Variants in CRPPA observed in about 807,000 individuals in gnomAD.
The protein encoded by CRPPA is D-ribitol-5-phosphate cytidylyltransferase.
Under a neutral mutation model 52.0 loss-of-function variants are expected in CRPPA, and 43 were observed. The ratio of observed to expected loss-of-function variants is 0.83; its 90% confidence interval spans 0.65 to 1.07. The LOEUF (loss-of-function observed/expected upper bound fraction) is 1.07. Among genes scored for constraint, CRPPA ranks in the 50% least tolerant of loss-of-function variants. CRPPA has a pLI of 0.00. For missense variants in CRPPA, 629 were observed against 551.7 expected (o/e 1.14, Z -1.40); for synonymous variants, 250 against 203.5 (o/e 1.23, Z -1.94).
chr7:16,209,087 C>G (rs13438314), intron 9 of CRPPA: 1 of 374,806 alleles, frequency 2.7e-6, no homozygotes, highest in African/African-American at 2.1e-5. Context: ...CAGGGTGGCT[C>G]TGGTGGGCAG....
intron 2 of CRPPA, among the ~76,000 whole-genome samples, chr7:16,382,391 G>A (rs896459938): frequency 5.3e-5 from 8 of 152,188 alleles, no homozygotes; most frequent in Non-Finnish European, 1.0e-4. Flanking sequence ...CCCTTTGCGG[G>A]TAACCCAACC....
intron 3 of CRPPA, among the ~76,000 whole-genome samples, chr7:16,317,979 C>G (rs1785183230): frequency 6.6e-6 from 1 of 152,166 alleles, no homozygotes; most frequent in African/African-American, 2.4e-5. Context: ...ACTTGAACAA[C>G]TGGTTTATGT....
intron 6 of CRPPA, among the ~76,000 whole-genome samples, chr7:16,267,300 T>G (rs1783980922): frequency 6.6e-6 from 1 of 152,238 alleles, no homozygotes; most frequent in African/African-American, 2.4e-5. Context: ...ATTTTAGATG[T>G]GTATTTCTCG....
chr7:16,256,905 G>C (rs1467904370), intron 8 of CRPPA, among the ~76,000 whole-genome samples: 3 of 152,080 alleles, frequency 2.0e-5, no homozygotes, highest in Non-Finnish European at 4.4e-5. Flanking sequence ...AGAACTTAAA[G>C]TATAATTTTA....
intron 9 of CRPPA, among the ~76,000 whole-genome samples, chr7:16,192,821 T>C (rs1781642365): frequency 6.6e-6 from 1 of 152,140 alleles, no homozygotes; most frequent in Non-Finnish European, 1.5e-5. Context: ...CTGAAATGAC[T>C]TTCCTTTTCC....
rs533997047 is a variant in CRPPA at position 16,197,915 on chromosome 7, G to A, written c.1251+18151C>T. ...ACTCAGAGTTAAATGGATTAAGGGC[G>A]GTGCAGGATGTGCTTTGTTAAACAG... On this transcript the variant is annotated intron_variant, in intron 9 of 9. Coordinates refer to ENST00000407010, the MANE Select transcript of CRPPA (RefSeq NM_001101426.4). Among the ~76,000 whole-genome samples, 957 of 148,896 alleles carry A rather than the reference G, an allele frequency of 6.4e-3. 33 individuals are homozygous for A. The highest frequency in any genetic ancestry group is 0.023 in the African/African-American group (910 of 40,134).
Position 16,089,528 on chromosome 7 carries a change from C to T in CRPPA, c.*2167G>A, listed in dbSNP as rs28379235. On this transcript the variant is annotated 3_prime_UTR_variant, in exon 10 of 10. Coordinates refer to ENST00000407010, the MANE Select transcript of CRPPA (RefSeq NM_001101426.4). Reference sequence around the variant, plus strand: ...ATACATAGATATGGGTATATATGTACGTACATACATATATATGTATATACA... The same window carrying T: ...ATACATAGATATGGGTATATATGTATGTACATACATATATATGTATATACA... 0.65 allele frequency: 165,755 copies of T among 255,540 alleles called. 61,157 individuals are homozygous for T. The highest frequency in any genetic ancestry group is 0.79 in the Non-Finnish European group (93,531 of 117,732). The allele number at this position is 255,540 out of a possible 1,614,324, so 15.8% of individuals were successfully genotyped here. A position where few individuals can be genotyped will look rare whatever the true frequency, so the allele number is the denominator to read the frequency against.
At chr7:16,174,737 G>A (rs942098706) in intron 9 of CRPPA, among the ~76,000 whole-genome samples, 1 of 151,974 alleles carries the variant, frequency 6.6e-6, no homozygotes, top group Non-Finnish European at 1.5e-5. Flanking sequence ...TATTTACATG[G>A]AATTCTGTAA....
chr7:16,338,904 C>T (rs1785754000), intron 3 of CRPPA, among the ~76,000 whole-genome samples: 1 of 150,756 alleles, frequency 6.6e-6, no homozygotes, highest in East Asian at 2.0e-4. Flanking sequence ...CAAGCTCTGC[C>T]TCACAGGTTC....
chr7:16,378,970 T>C (rs1786993238), intron 2 of CRPPA, among the ~76,000 whole-genome samples: 1 of 152,164 alleles, frequency 6.6e-6, no homozygotes, highest in African/African-American at 2.4e-5. Context: ...TTTTTTCTTG[T>C]AAATTTGTTT....
chr7:16,104,543 A>G (rs926913248), intron 9 of CRPPA, among the ~76,000 whole-genome samples: 12 of 152,256 alleles, frequency 7.9e-5, no homozygotes, highest in African/African-American at 2.9e-4. Context: ...AGAGGTGGGC[A>G]CAAAGTAGGA....
intron 6 of CRPPA, among the ~76,000 whole-genome samples, chr7:16,266,702 C>A (rs113338957): frequency 0.032 from 4,813 of 152,134 alleles, 256 homozygotes; most frequent in African/African-American, 0.11. Context: ...TGGTCTCGAA[C>A]CTCTGACCTT....
At chr7:16,302,735 C>A (rs1225961545) in intron 4 of CRPPA, among the ~76,000 whole-genome samples, 2 of 152,274 alleles carry the variant, frequency 1.3e-5, no homozygotes, top group African/African-American at 4.8e-5. Context: ...CCACACAGAA[C>A]CTTTCCTCTT....
At chr7:16,233,335 T>C (rs1782858220) in intron 8 of CRPPA, among the ~76,000 whole-genome samples, 1 of 152,038 alleles carries the variant, frequency 6.6e-6, no homozygotes, top group Non-Finnish European at 1.5e-5. Flanking sequence ...TCAACACATC[T>C]TAAGTATGCA....
intron 8 of CRPPA, among the ~76,000 whole-genome samples, chr7:16,252,379 A>T (rs1783483199): frequency 6.6e-6 from 1 of 152,190 alleles, no homozygotes; most frequent in African/African-American, 2.4e-5. Context: ...CTCTCAATAA[A>T]CTAAGTATTG....
chr7:16,189,792 T>C (rs187224502), intron 9 of CRPPA, among the ~76,000 whole-genome samples: 7 of 152,266 alleles, frequency 4.6e-5, no homozygotes. Flanking sequence ...AAGAATATTG[T>C]ACAGAAATAG....
At chr7:16,107,787 C>T (rs191465127) in intron 9 of CRPPA, among the ~76,000 whole-genome samples, 1 of 151,936 alleles carries the variant, frequency 6.6e-6, no homozygotes, top group Non-Finnish European at 1.5e-5. Flanking sequence ...TAAAAAAACA[C>T]TACTAATAAA....
intron 9 of CRPPA, among the ~76,000 whole-genome samples, chr7:16,139,630 TAGAAACC>T (rs1035875136): frequency 3.9e-5 from 6 of 152,196 alleles, no homozygotes; most frequent in Admixed American, 3.3e-4. Flanking sequence ...AAATGCTATC[TAGAAACC>T]AGAAGCTTCT....
chr7:16,146,411 T>G (rs889726991), intron 9 of CRPPA, among the ~76,000 whole-genome samples: 13 of 152,152 alleles, frequency 8.5e-5, no homozygotes, highest in Admixed American at 5.9e-4. Context: ...AAGACACTAG[T>G]TAGCAAGATA....
Sources: gnomAD v4.1 joint callset for allele counts (sites outside exome capture counted in the v4.1 genomes callset) on GRCh38, gnomAD v4.1.1 for gene constraint, MANE v1.5 for transcripts, NCBI Gene and HGNC (gene_info 2026-07-23, HGNC 2026-07-21) for gene names.